Variants in OR1I1 observed in about 807,000 individuals in gnomAD.
The protein encoded by OR1I1 is olfactory receptor family 1 subfamily I member 1, also known as olfactory receptor 1I1.
For synonymous variants in OR1I1, 171 were observed against 181.4 expected (o/e 0.94, Z 0.46); for missense variants, 451 against 443.6 (o/e 1.02, Z -0.15).
At chr19:15,084,887 G>A (rs2046222022) in intron 1 of OR1I1, among the ~76,000 whole-genome samples, 1 of 151,808 alleles carries the variant, frequency 6.6e-6, no homozygotes, top group African/African-American at 2.4e-5. Context: ...GGAAGGCTGA[G>A]GTGGGAGGAA....
At position 15,089,423 on chromosome 19, in the gene OR1I1, C is replaced by CT; in HGVS notation, c.*1291dup. ...GTTTCCTGTGACATTCATCGCCTGACTCTGAACCCAGTATGATTCTACACG... is the reference window on the plus strand; with the variant it reads ...GTTTCCTGTGACATTCATCGCCTGACTTCTGAACCCAGTATGATTCTACACG... On this transcript the variant is annotated 3_prime_UTR_variant, in exon 2 of 2. Coordinates refer to ENST00000641398, the MANE Select transcript of OR1I1 (RefSeq NM_001004713.2). 1.3e-5 allele frequency: 2 copies of CT among 152,274 alleles called. 1 individual carries two copies. Among genetic ancestry groups the CT allele is most frequent in the South Asian group, 4.1e-4 (2 of 4,824 alleles). The allele number at this position is 152,274 out of a possible 1,614,324, so 9.4% of individuals were successfully genotyped here. A position where few individuals can be genotyped will look rare whatever the true frequency, so the allele number is the denominator to read the frequency against.
intron 1 of OR1I1, among the ~76,000 whole-genome samples, chr19:15,082,987 G>C (rs531452530): frequency 2.7e-5 from 4 of 150,800 alleles, no homozygotes; most frequent in African/African-American, 7.3e-5. Flanking sequence ...TTTTATTTTC[G>C]TAGAGGCAGG....
chr19:15,085,007 T>C (rs1599309682), intron 1 of OR1I1, among the ~76,000 whole-genome samples: 1 of 150,336 alleles, frequency 6.7e-6, no homozygotes, highest in East Asian at 2.0e-4. Context: ...TTAAATTAAA[T>C]AGATCTTGTA....
intron 1 of OR1I1, among the ~76,000 whole-genome samples, chr19:15,085,800 C>T (rs2046228100): frequency 2.0e-5 from 3 of 152,196 alleles, no homozygotes; most frequent in Admixed American, 2.0e-4. Flanking sequence ...CTTTCTGTAC[C>T]TGGCTATTTT....
intron 1 of OR1I1, among the ~76,000 whole-genome samples, chr19:15,083,293 A>G (rs1158408922): frequency 6.6e-6 from 1 of 151,704 alleles, no homozygotes; most frequent in African/African-American, 2.4e-5. Flanking sequence ...GGGTGGCCTC[A>G]CTTTGTCTGC....
chr19:15,087,749 C>G lies in OR1I1; in HGVS notation c.684C>G (p.Ile228Met). ...YIRIFWTVFK[I>M]PSTRGKWKAF... ...GCATTTTCTGGACAGTCTTTAAGAT[C>G]CCTTCTACTCGGGGCAAGTGGAAAG... Residue 228 changes from isoleucine (I) to methionine (M), a missense_variant, in exon 2 of 2, where the codon ATC (isoleucine) becomes ATG (methionine). Coordinates refer to ENST00000641398, the MANE Select transcript of OR1I1 (RefSeq NM_001004713.2). 1 of 1,614,244 alleles carries G rather than the reference C, an allele frequency of 6.2e-7. No individual in the cohort carries two copies. Among genetic ancestry groups the G allele is most frequent in the African/African-American group, 1.3e-5 (1 of 75,056 alleles).
rs1169232494 is a variant in OR1I1, at chr19:15,087,845, A to G, written c.780A>G (p.Leu260=). The part of the protein sequence containing the change: ...LSYGTIFAVY[L]QPTSPSSSQK... Reference sequence around the variant, plus strand: ...ATGGGACCATCTTTGCTGTGTACTTACAGCCCACATCCCCCAGCTCCTCCC... The same window carrying G: ...ATGGGACCATCTTTGCTGTGTACTTGCAGCCCACATCCCCCAGCTCCTCCC... The change falls in exon 2 of 2, where the codon TTA becomes TTG. Residue 260 remains leucine, a synonymous_variant. Coordinates refer to ENST00000641398, the MANE Select transcript of OR1I1 (RefSeq NM_001004713.2). The G allele has an allele frequency of 1.9e-6, 3 of 1,614,172 alleles. No homozygotes were observed. In the East Asian group the frequency reaches 6.7e-5, roughly 36 times the overall value.
Position 15,091,539 on chromosome 19 carries a change from G to T in OR1I1, c.*3406G>T, listed in dbSNP as rs534596551. 3.0e-4 allele frequency: 46 copies of T among 152,452 alleles called. No homozygotes were observed. The highest frequency in any genetic ancestry group is 3.5e-4 in the Non-Finnish European group (24 of 68,194). The allele number at this position is 152,452 out of a possible 1,614,324, so 9.4% of individuals were successfully genotyped here. Reference sequence around the variant, plus strand: ...CCGGACATGTTGGCGGGCACCTGTAGTCCCAGCTACTCGGGAGGCTGAGGC... The same window carrying T: ...CCGGACATGTTGGCGGGCACCTGTATTCCCAGCTACTCGGGAGGCTGAGGC... On this transcript the variant is annotated 3_prime_UTR_variant, in exon 2 of 2. Transcript: ENST00000641398.
rs1344603587 is a variant in OR1I1 at position 15,092,948 on chromosome 19, A to G, written c.*4815A>G. The G allele has an allele frequency of 6.6e-6, 1 of 152,208 alleles. No individual in the cohort carries two copies. The highest frequency in any genetic ancestry group is 1.5e-5 in the Non-Finnish European group (1 of 68,052). The allele number at this position is 152,208 out of a possible 1,614,324, so 9.4% of individuals were successfully genotyped here. On this transcript the variant is annotated 3_prime_UTR_variant, in exon 2 of 2. Transcript: ENST00000641398. ...CAGGAGGTCAAGGCTGCAGTGAGCT[A>G]TGATTGCACCACCGCACTCCAGCCT...
At chr19:15,085,211 C>T (rs1211376290) in intron 1 of OR1I1, among the ~76,000 whole-genome samples, 1 of 126,302 alleles carries the variant, frequency 7.9e-6, no homozygotes, top group Non-Finnish European at 1.6e-5. Flanking sequence ...GCTCTTGTTG[C>T]CAAGGCTGGA....
intron 1 of OR1I1, among the ~76,000 whole-genome samples, chr19:15,083,389 C>T (rs10419983): frequency 6.6e-6 from 1 of 151,956 alleles, no homozygotes; most frequent in African/African-American, 2.4e-5. Flanking sequence ...AGCCACCATG[C>T]CTGGCCCGCT....
chr19:15,087,184 T>C lies in OR1I1; in HGVS notation c.119T>C (p.Ile40Thr), dbSNP rs150131247. 7 of 1,614,012 alleles carry C rather than the reference T, an allele frequency of 4.3e-6. No homozygotes were observed. Among genetic ancestry groups the C allele is most frequent in the African/African-American group, 4.0e-5 (3 of 74,908 alleles). ...CTCTCCACATACCTGGTCACCATCA[T>C]TGGAAATGCCCTCATTATCCTGGCC... ...MFLSTYLVTI[I>T]GNALIILAII... Residue 40 changes from isoleucine to threonine, a missense_variant, in exon 2 of 2, where the codon ATT (isoleucine) becomes ACT (threonine). By Grantham distance (89) the Ile-to-Thr change is moderately conservative (BLOSUM62 -1). Transcript: ENST00000641398.
intron 1 of OR1I1, among the ~76,000 whole-genome samples, chr19:15,085,366 C>T (rs1268499379): frequency 2.0e-5 from 3 of 151,378 alleles, no homozygotes; most frequent in Non-Finnish European, 4.4e-5. Flanking sequence ...GACGGGGCTT[C>T]ACCTTGTTGG....
rs2046252830 is a variant in OR1I1 at position 15,090,622 on chromosome 19, CTG to C, written c.*2493_*2494del. ...TTCTTTTAGAGACAGACAGGATCTA[CTG>C]TGTCACCCAGGCTGGAGTACAGTGG... On this transcript the variant is annotated 3_prime_UTR_variant, in exon 2 of 2. Coordinates refer to ENST00000641398, the MANE Select transcript of OR1I1 (RefSeq NM_001004713.2). 6.6e-6 allele frequency: 1 copy of C among 152,132 alleles called. No homozygotes were observed. The highest frequency in any genetic ancestry group is 2.4e-5 in the African/African-American group (1 of 41,418). The allele number at this position is 152,132 out of a possible 1,614,324, so 9.4% of individuals were successfully genotyped here. A position where few individuals can be genotyped will look rare whatever the true frequency, so the allele number is the denominator to read the frequency against.
chr19:15,088,549 A>C lies in OR1I1; in HGVS notation c.*416A>C, dbSNP rs1296562062. The stretch of plus-strand genomic sequence containing the variant: ...TATACGCCTGTAGTCTCAGCTAATC[A>C]GGAGGCTGAGGCAGGCAGATCATTT... On this transcript the variant is annotated 3_prime_UTR_variant, in exon 2 of 2. Coordinates refer to ENST00000641398, the MANE Select transcript of OR1I1 (RefSeq NM_001004713.2). 1.1e-5 allele frequency: 2 copies of C among 183,042 alleles called. No homozygotes were observed. The highest frequency in any genetic ancestry group is 4.8e-5 in the African/African-American group (2 of 41,938). The allele number at this position is 183,042 out of a possible 1,614,324, so 11.3% of individuals were successfully genotyped here.
intron 1 of OR1I1, among the ~76,000 whole-genome samples, chr19:15,085,130 T>TTATATATA (rs775570074): frequency 1.8e-4 from 5 of 28,536 alleles, no homozygotes; most frequent in Admixed American, 4.3e-4. Context: ...CATTTTTGAC[T>TTATATATA]TATATATATA....
In OR1I1 at chr19:15,087,841, A is replaced by G; in HGVS notation, c.776A>G (p.Tyr259Cys). 6.2e-7 allele frequency: 1 copy of G among 1,614,164 alleles called. No individual in the cohort carries two copies. Among genetic ancestry groups the G allele is most frequent in the Non-Finnish European group, 8.5e-7 (1 of 1,180,022 alleles). Residue 259 changes from tyrosine to cysteine, a missense_variant, in exon 2 of 2, where the codon TAC becomes TGC. Coordinates refer to ENST00000641398, the MANE Select transcript of OR1I1 (RefSeq NM_001004713.2). The part of the protein sequence containing the change: ...SLSYGTIFAV[Y>C]LQPTSPSSSQ... ...TCCTATGGGACCATCTTTGCTGTGT[A>G]CTTACAGCCCACATCCCCCAGCTCC...
Position 15,090,708 on chromosome 19 carries a change from G to A in OR1I1, c.*2575G>A, listed in dbSNP as rs993034709. On this transcript the variant is annotated 3_prime_UTR_variant, in exon 2 of 2. Coordinates refer to ENST00000641398, the MANE Select transcript of OR1I1 (RefSeq NM_001004713.2). The stretch of plus-strand genomic sequence containing the variant: ...ACTCCTGGGCTCAAGCAATCCTCCT[G>A]CCTCAGCCTCCTGAGTAGTTGGGAC... 6.6e-6 allele frequency: 1 copy of A among 152,212 alleles called. No homozygotes were observed. The highest frequency in any genetic ancestry group is 1.5e-5 in the Non-Finnish European group (1 of 68,174). The allele number at this position is 152,212 out of a possible 1,614,324, so 9.4% of individuals were successfully genotyped here. A position where few individuals can be genotyped will look rare whatever the true frequency, so the allele number is the denominator to read the frequency against.
intron 1 of OR1I1, 75 bp from the exon 2 acceptor site, chr19:15,086,978 G>C: frequency 6.7e-7 from 1 of 1,503,022 alleles, no homozygotes; most frequent in Non-Finnish European, 8.9e-7. Context: ...ATAGGTTTCC[G>C]TGGGAAGCTG....
Sources: gnomAD v4.1 joint callset for allele counts (sites outside exome capture counted in the v4.1 genomes callset) on GRCh38, gnomAD v4.1.1 for gene constraint, MANE v1.5 for transcripts, NCBI Gene and HGNC (gene_info 2026-07-23, HGNC 2026-07-21) for gene names.